Variants in ZMAT4 observed in about 807,000 individuals in gnomAD.
ZMAT4 encodes zinc finger matrin-type 4, also known as zinc finger matrin-type protein 4.
Under a neutral mutation model 28.7 loss-of-function variants are expected in ZMAT4, and 17 were observed. That is an observed-to-expected ratio of 0.59 (90% CI 0.41 to 0.89). The LOEUF (loss-of-function observed/expected upper bound fraction) is 0.89. Among genes scored for constraint, ZMAT4 ranks in the 40% least tolerant of loss-of-function variants. ZMAT4 has a pLI of 0.00. For synonymous variants in ZMAT4, 117 were observed against 109.2 expected (o/e 1.07, Z -0.44); for missense variants, 240 against 283.8 (o/e 0.85, Z 1.11).
Position 40,573,315 on chromosome 8 carries a change from T to A in ZMAT4, c.674+7850A>T, listed in dbSNP as rs1016324571. On this transcript the variant is annotated intron_variant, in intron 6 of 6. Coordinates refer to ENST00000297737, the MANE Select transcript of ZMAT4 (RefSeq NM_024645.3). ...ACCTCTGGAGTCCAGAAGTGTGAAA[T>A]CAAGGTGTCAGCTTCATCACTCTCT... 5.3e-5 allele frequency among the ~76,000 whole-genome samples: 8 copies of A among 152,192 alleles called. No homozygotes were observed. The East Asian group carries it at 1.2e-3, about 22-fold the overall frequency.
intron 5 of ZMAT4, among the ~76,000 whole-genome samples, chr8:40,581,813 C>A (rs1247718330): frequency 6.6e-6 from 1 of 152,206 alleles, no homozygotes; most frequent in African/African-American, 2.4e-5. Flanking sequence ...GCAATCTATT[C>A]ATTCACTTTT....
Position 40,697,427 on chromosome 8 carries a change from G to A in ZMAT4, c.193-26C>T, listed in dbSNP as rs373319687. The A allele has an allele frequency of 1.2e-5, 18 of 1,511,954 alleles. No individual in the cohort carries two copies. In the Admixed American group the frequency reaches 1.6e-4, roughly 14 times the overall value. The allele number at this position is 1,511,954 out of a possible 1,614,324, so 93.7% of individuals were successfully genotyped here. A position where few individuals can be genotyped will look rare whatever the true frequency, so the allele number is the denominator to read the frequency against. On this transcript the variant is annotated intron_variant, in intron 3 of 6. Transcript: ENST00000297737. Reference sequence around the variant, plus strand: ...CTGCGCAGGGAGAAAGAAAGGCCACGTGTGAGAGAAACCCATTCCATTCTT... The same window carrying A: ...CTGCGCAGGGAGAAAGAAAGGCCACATGTGAGAGAAACCCATTCCATTCTT...
At chr8:40,651,705 G>A (rs1379034829) in intron 5 of ZMAT4, among the ~76,000 whole-genome samples, 1 of 151,968 alleles carries the variant, frequency 6.6e-6, no homozygotes, top group Admixed American at 6.6e-5. Flanking sequence ...AACCAAAACA[G>A]CATGTTTGGT....
chr8:40,789,177 A>T (rs1814221960), intron 2 of ZMAT4, among the ~76,000 whole-genome samples: 1 of 152,198 alleles, frequency 6.6e-6, no homozygotes, highest in African/African-American at 2.4e-5. Flanking sequence ...GGTGTGAGAA[A>T]CTCAAACATA....
At chr8:40,866,937 G>A (rs974740405) in intron 1 of ZMAT4, among the ~76,000 whole-genome samples, 4 of 152,198 alleles carry the variant, frequency 2.6e-5, no homozygotes, top group African/African-American at 9.7e-5. Flanking sequence ...TCAATGGCTA[G>A]CCACAGAATG....
chr8:40,855,818 G>A (rs1304238575), intron 1 of ZMAT4, among the ~76,000 whole-genome samples: 3 of 151,912 alleles, frequency 2.0e-5, no homozygotes, highest in Admixed American at 6.6e-5. Flanking sequence ...TGGGACTACA[G>A]GTGCATGCAA....
At chr8:40,862,584 T>TAAAAAAAAAAAAAAA (rs398007582) in intron 1 of ZMAT4, among the ~76,000 whole-genome samples, 1 of 109,950 alleles carries the variant, frequency 9.1e-6, no homozygotes, top group Non-Finnish European at 1.8e-5. Context: ...AAAAAAAAAT[T>TAAAAAAAAAAAAAAA]AAAAAAAAAA....
intron 6 of ZMAT4, among the ~76,000 whole-genome samples, chr8:40,547,227 C>T (rs1433214540): frequency 1.3e-5 from 2 of 152,188 alleles, no homozygotes; most frequent in Non-Finnish European, 2.9e-5. Context: ...AGAAGGTGTT[C>T]AGTGATCTCA....
chr8:40,779,282 G>A (rs753601073), intron 2 of ZMAT4, among the ~76,000 whole-genome samples: 8 of 152,020 alleles, frequency 5.3e-5, no homozygotes, highest in Non-Finnish European at 8.8e-5. Context: ...CCCCAACCAC[G>A]TAGAACCTCT....
intron 5 of ZMAT4, among the ~76,000 whole-genome samples, chr8:40,638,594 C>T (rs1031890696): frequency 4.6e-5 from 7 of 152,164 alleles, no homozygotes; most frequent in African/African-American, 1.7e-4. Flanking sequence ...AGACAAGTAC[C>T]ACAAGAGTGA....
intron 1 of ZMAT4, among the ~76,000 whole-genome samples, chr8:40,886,591 CTT>C (rs1286276824): frequency 2.0e-5 from 3 of 152,184 alleles, no homozygotes; most frequent in Non-Finnish European, 2.9e-5. Flanking sequence ...GGTTCTATTT[CTT>C]TCTTTCTGGT....
At chr8:40,820,943 ATATATGTGTGTGTCTGTG>A in intron 2 of ZMAT4, among the ~76,000 whole-genome samples, 1 of 133,744 alleles carries the variant, frequency 7.5e-6, no homozygotes, top group South Asian at 2.4e-4. Flanking sequence ...AGTGGGGGGC[ATATATGTGTGTGTCTGTG>A]TGTATGTGTG....
chr8:40,890,049 G>C (rs984777581), intron 1 of ZMAT4, among the ~76,000 whole-genome samples: 3 of 151,912 alleles, frequency 2.0e-5, no homozygotes, highest in African/African-American at 7.3e-5. Flanking sequence ...ACGATAACTT[G>C]TTTTAATTTC....
At position 40,631,740 on chromosome 8, in the gene ZMAT4, G is replaced by C. The variant is rs555926501; in HGVS notation, c.577+42964C>G. ...AACAGGAAATTGAGAAAGAGAAATG[G>C]AGTTAGGCATTTAGAGAGAGTTTTA... On this transcript the variant is annotated intron_variant, in intron 5 of 6. Transcript: ENST00000297737. Among the ~76,000 whole-genome samples the C allele has an allele frequency of 3.9e-5, 6 of 152,296 alleles. No homozygotes were observed. In the South Asian group the frequency reaches 1.2e-3, roughly 32 times the overall value.
chr8:40,608,366 A>G (rs751807642), intron 5 of ZMAT4, among the ~76,000 whole-genome samples: 24 of 152,170 alleles, frequency 1.6e-4, no homozygotes, highest in Non-Finnish European at 3.2e-4. Flanking sequence ...GAAAGCTGGC[A>G]GTGACAGGCC....
At chr8:40,833,731 C>T (rs1455362500) in intron 1 of ZMAT4, among the ~76,000 whole-genome samples, 2 of 152,084 alleles carry the variant, frequency 1.3e-5, no homozygotes, top group East Asian at 1.9e-4. Flanking sequence ...GAGAATCCCC[C>T]ATGCAGCATC....
At chr8:40,718,515 T>A (rs79300686) in intron 3 of ZMAT4, among the ~76,000 whole-genome samples, 173 of 111,868 alleles carry the variant, frequency 1.5e-3, no homozygotes, top group African/African-American at 5.7e-3. Context: ...GATTTTTTTT[T>A]AAATTTCCAG....
intron 3 of ZMAT4, among the ~76,000 whole-genome samples, chr8:40,709,365 T>C (rs1227116119): frequency 6.6e-6 from 1 of 152,172 alleles, no homozygotes; most frequent in Non-Finnish European, 1.5e-5. Flanking sequence ...GCCTCATGTA[T>C]ACCCCTAAAT....
intron 5 of ZMAT4, among the ~76,000 whole-genome samples, chr8:40,584,174 A>G (rs188999871): frequency 7.6e-4 from 115 of 152,256 alleles, no homozygotes; most frequent in African/African-American, 2.6e-3. Flanking sequence ...ATCAATTCGC[A>G]CTTCCTGCCC....
Sources: gnomAD v4.1 joint callset for allele counts (sites outside exome capture counted in the v4.1 genomes callset) on GRCh38, gnomAD v4.1.1 for gene constraint, MANE v1.5 for transcripts, NCBI Gene and HGNC (gene_info 2026-07-23, HGNC 2026-07-21) for gene names.